The following NFE2L3 variants were observed in gnomAD, a reference collection of about 807,000 sequenced individuals.
NFE2L3 encodes NFE2 like bZIP transcription factor 3, also known as nuclear factor erythroid 2-related factor 3.
NFE2L3 carries 18 observed loss-of-function variants against 23.5 expected under a neutral mutation model. The observed-to-expected ratio is 0.77, with a 90% CI of 0.53 to 1.13. NFE2L3 has a LOEUF of 1.13. NFE2L3 is among the 50% of genes most tolerant of loss of function. The pLI is 0.00. For missense variants in NFE2L3, 1,152 were observed against 877.2 expected (o/e 1.31, Z -3.96); for synonymous variants, 424 against 354.5 (o/e 1.20, Z -2.20).
At chr7:26,158,251 G>A (rs1379245262) in intron 1 of NFE2L3, among the ~76,000 whole-genome samples, 2 of 152,102 alleles carry the variant, frequency 1.3e-5, no homozygotes, top group Non-Finnish European at 2.9e-5. Flanking sequence ...GTTTTGCCAT[G>A]TTACCCAGGC....
At chr7:26,166,783 C>T (rs1292981046) in intron 1 of NFE2L3, among the ~76,000 whole-genome samples, 1 of 152,250 alleles carries the variant, frequency 6.6e-6, no homozygotes, top group Non-Finnish European at 1.5e-5. Flanking sequence ...AGCTTGCCTT[C>T]AGCCTAGAGA....
chr7:26,181,431 T>C (rs977647740), intron 2 of NFE2L3, among the ~76,000 whole-genome samples: 13 of 152,190 alleles, frequency 8.5e-5, no homozygotes, highest in Non-Finnish European at 1.9e-4. Context: ...TCTGGAAGAA[T>C]ATCTAGGAAA....
At position 26,154,114 on chromosome 7, in the gene NFE2L3, A is replaced by AG. The variant is rs201334900; in HGVS notation, c.570+1050dup. Among the ~76,000 whole-genome samples, 1,473 of 152,194 alleles carry AG rather than the reference A, an allele frequency of 9.7e-3. 24 individuals carry two copies. Among genetic ancestry groups the AG allele is most frequent in the African/African-American group, 0.034 (1,399 of 41,496 alleles). On this transcript the variant is annotated intron_variant, in intron 1 of 3. Transcript: ENST00000056233. ...CAGACAAGCTTCTCCACCCTCCTGG[A>AG]GGGGTCATTGTGTGGAAGTGCTCGG...
At chr7:26,164,522 A>G (rs1407923633) in intron 1 of NFE2L3, among the ~76,000 whole-genome samples, 4 of 151,810 alleles carry the variant, frequency 2.6e-5, no homozygotes, top group Admixed American at 6.6e-5. Flanking sequence ...TTTTCTTGTA[A>G]ATTTGTTTGA....
chr7:26,180,496 TTATATTAAAATACTGACAGAACCA>T (rs1228866122), intron 2 of NFE2L3, among the ~76,000 whole-genome samples: 1 of 152,220 alleles, frequency 6.6e-6, no homozygotes, highest in Non-Finnish European at 1.5e-5. Context: ...CCATGGACTT[TTATATTAAAATACTGACAGAACCA>T]TATATATGTT....
chr7:26,161,093 G>C (rs1194527588), intron 1 of NFE2L3, among the ~76,000 whole-genome samples: 2 of 152,160 alleles, frequency 1.3e-5, no homozygotes, highest in African/African-American at 2.4e-5. Flanking sequence ...ATCCACTTTA[G>C]CATGAAAGGA....
intron 1 of NFE2L3, among the ~76,000 whole-genome samples, chr7:26,165,654 G>C (rs1482720905): frequency 6.6e-6 from 1 of 152,052 alleles, no homozygotes. Flanking sequence ...TCTCCTGCCT[G>C]ATTGCCCTGG....
chr7:26,184,610 C>G lies in NFE2L3; in HGVS notation c.912C>G (p.Asn304Lys), dbSNP rs760692821. The G allele has an allele frequency of 6.2e-7, 1 of 1,613,882 alleles. No homozygotes were observed. Among genetic ancestry groups the G allele is most frequent in the South Asian group, 1.1e-5 (1 of 91,072 alleles). Residue 304 changes from asparagine (N) to lysine (K), a missense_variant, in exon 4 of 4, where the codon AAC becomes AAG. By Grantham distance (94) the Asn-to-Lys change is moderately conservative (BLOSUM62 0). Transcript: ENST00000056233. ...GMNSSAHYHV[N>K]FSQAISQDVN... is the part of the protein sequence containing the mutation. ...ATTCTTCAGCACATTATCATGTAAA[C>G]TTCAGCCAGGCTATAAGTCAGGATG...
chr7:26,165,371 T>C (rs1784231953), intron 1 of NFE2L3, among the ~76,000 whole-genome samples: 1 of 152,232 alleles, frequency 6.6e-6, no homozygotes, highest in Non-Finnish European at 1.5e-5. Flanking sequence ...TCACATCCCT[T>C]GTAAGTTGGA....
At chr7:26,184,458 G>C in intron 3 of NFE2L3, 75 bp from the exon 4 acceptor site, 2 of 1,369,482 alleles carry the variant, frequency 1.5e-6, no homozygotes, top group Non-Finnish European at 2.0e-6. Flanking sequence ...AGAGGGGAAA[G>C]AAAGTTGTTA....
chr7:26,178,870 C>G (rs1784460530), intron 2 of NFE2L3, among the ~76,000 whole-genome samples: 1 of 152,028 alleles, frequency 6.6e-6, no homozygotes, highest in Admixed American at 6.6e-5. Context: ...GGGTCTTGCC[C>G]TGACGGTTTT....
chr7:26,166,400 G>A (rs149925331), intron 1 of NFE2L3, among the ~76,000 whole-genome samples: 3,540 of 152,306 alleles, frequency 0.023, 65 homozygotes, highest in Middle Eastern at 0.037. Flanking sequence ...GCCAGCACAG[G>A]AGCCCTAGAG....
In NFE2L3 at chr7:26,153,044, G is replaced by A. The variant is rs1228843317; in HGVS notation, c.546G>A (p.Pro182=). 7 of 1,526,590 alleles carry A rather than the reference G, an allele frequency of 4.6e-6. No individual in the cohort carries two copies. In the East Asian group the frequency reaches 7.8e-5, roughly 17 times the overall value. The allele number at this position is 1,526,590 out of a possible 1,614,324, so 94.6% of individuals were successfully genotyped here. A position where few individuals can be genotyped will look rare whatever the true frequency, so the allele number is the denominator to read the frequency against. The change falls in exon 1 of 4, where the codon CCG becomes CCA. Residue 182 remains proline (P), a synonymous_variant. Coordinates refer to ENST00000056233, the MANE Select transcript of NFE2L3 (RefSeq NM_004289.7). Reference sequence around the variant, plus strand: ...CCGCGGAACCGACGGCTCAGGTGCCGGACGCTGGCGGATGTGCGAGCGAGG... The same window carrying A: ...CCGCGGAACCGACGGCTCAGGTGCCAGACGCTGGCGGATGTGCGAGCGAGG... ...KAPAEPTAQV[P]DAGGCASEEN...
chr7:26,166,592 C>T (rs1444034199), intron 1 of NFE2L3, among the ~76,000 whole-genome samples: 1 of 152,192 alleles, frequency 6.6e-6, no homozygotes, highest in African/African-American at 2.4e-5. Context: ...ATAACAATAC[C>T]TACCTTACAG....
At chr7:26,166,364 C>T (rs767961278) in intron 1 of NFE2L3, among the ~76,000 whole-genome samples, 21 of 152,168 alleles carry the variant, frequency 1.4e-4, no homozygotes, top group Non-Finnish European at 2.5e-4. Flanking sequence ...CTCTAGCCTT[C>T]CCCTGGTGAA....
intron 1 of NFE2L3, among the ~76,000 whole-genome samples, chr7:26,163,496 G>T (rs557902080): frequency 1.3e-5 from 2 of 152,016 alleles, no homozygotes; most frequent in East Asian, 3.9e-4. Context: ...ACAAGCGTGC[G>T]CTGCCAAGCC....
intron 1 of NFE2L3, among the ~76,000 whole-genome samples, chr7:26,156,534 G>T (rs528816636): frequency 4.3e-4 from 65 of 152,268 alleles, no homozygotes; most frequent in Non-Finnish European, 6.2e-4. Context: ...GAATTCCCCA[G>T]GGCTGACACG....
At chr7:26,160,627 T>C (rs79539218) in intron 1 of NFE2L3, among the ~76,000 whole-genome samples, 144 of 152,370 alleles carry the variant, frequency 9.5e-4, no homozygotes, top group Non-Finnish European at 8.8e-4. Flanking sequence ...TTCTTCTTTA[T>C]CAAGGAAACC....
At chr7:26,163,708 C>T (rs956746103) in intron 1 of NFE2L3, among the ~76,000 whole-genome samples, 1 of 152,074 alleles carries the variant, frequency 6.6e-6, no homozygotes, top group African/African-American at 2.4e-5. Flanking sequence ...GCACAACTTG[C>T]AGGTTTGTTA....
Sources: allele counts gnomAD v4.1 joint callset (sites outside exome capture counted in the v4.1 genomes callset), GRCh38; gene constraint gnomAD v4.1.1; transcripts MANE v1.5; gene names NCBI Gene and HGNC (gene_info 2026-07-23, HGNC 2026-07-21).